The following ZNF334 variants were observed in gnomAD, a reference collection of about 807,000 sequenced individuals.
ZNF334 encodes the protein zinc finger protein 334.
Under a neutral mutation model 12.4 loss-of-function variants are expected in ZNF334, and 14 were observed. The ratio of observed to expected loss-of-function variants is 1.13; its 90% CI spans 0.74 to 1.76. ZNF334 has a LOEUF of 1.76. Among genes scored for constraint, ZNF334 ranks in the 40% most tolerant of loss-of-function variants. The pLI, the probability that ZNF334 is intolerant of heterozygous loss-of-function variation, is 0.00. For missense variants in ZNF334, 797 were observed against 804.5 expected (o/e 0.99, Z 0.11); for synonymous variants, 273 against 269.6 (o/e 1.01, Z -0.12).
the ZNF334 span, among the ~76,000 whole-genome samples, chr20:46,468,145 T>A: frequency 6.6e-6 from 1 of 152,168 alleles, no homozygotes; most frequent in South Asian, 2.1e-4. Flanking sequence ...CCTGGTGGTG[T>A]TGGACAGTAA....
chr20:46,503,793 A>C (rs2061334883), intron 4 of ZNF334, among the ~76,000 whole-genome samples: 1 of 152,214 alleles, frequency 6.6e-6, no homozygotes, highest in South Asian at 2.1e-4. Context: ...GAAGCGTAGA[A>C]TGGAAAGGGA....
In ZNF334 at chr20:46,504,652, T is replaced by A; in HGVS notation, c.110A>T (p.Asp37Val). The A allele has an allele frequency of 1.2e-6, 2 of 1,611,272 alleles. No homozygotes were observed. The highest frequency in any genetic ancestry group is 1.7e-6 in the Non-Finnish European group (2 of 1,179,048). Residue 37 changes from aspartate (D) to valine (V), a missense_variant, in exon 3 of 5, where the codon GAT becomes GTT. Coordinates refer to ENST00000692313, the MANE Select transcript of ZNF334 (RefSeq NM_001353824.2). ...GTTGCTGTAGTTCTCCAGCATCACATCCCTGTACAGGAGCCTCTGAGCAGG... is the reference window on the plus strand; with the variant it reads ...GTTGCTGTAGTTCTCCAGCATCACAACCCTGTACAGGAGCCTCTGAGCAGG... Reference protein sequence around the residue: ...LDPAQRLLYRDVMLENYSNLV... With the variant: ...LDPAQRLLYRVVMLENYSNLV...
In ZNF334 at chr20:46,501,537, T is replaced by C. The variant is rs2061166500; in HGVS notation, c.1802A>G (p.Glu601Gly). 1 of 1,614,026 alleles carries C rather than the reference T, an allele frequency of 6.2e-7. No individual in the cohort carries two copies. ...QRTHTGEKPY[E>G]CNECGKSFCH... Reference sequence around the variant, plus strand: ...GAAGGATTTCCCACATTCATTACATTCATATGGTTTCTCCCCAGTGTGAGT... The same window carrying C: ...GAAGGATTTCCCACATTCATTACATCCATATGGTTTCTCCCCAGTGTGAGT... The change falls in exon 5 of 5, where the codon GAA becomes GGA. Residue 601 changes from glutamate to glycine, a missense_variant. Coordinates refer to ENST00000692313, the MANE Select transcript of ZNF334 (RefSeq NM_001353824.2).
chr20:46,475,263 A>G, the ZNF334 span, among the ~76,000 whole-genome samples: 1 of 152,218 alleles, frequency 6.6e-6, no homozygotes, highest in Non-Finnish European at 1.5e-5. Context: ...ATCCATAGAC[A>G]TAAAAAACCA....
At chr20:46,480,352 C>T in the ZNF334 span, among the ~76,000 whole-genome samples, 1 of 152,080 alleles carries the variant, frequency 6.6e-6, no homozygotes, top group Admixed American at 6.6e-5. Flanking sequence ...CACTGGATTC[C>T]CCCATGTCAC....
At chr20:46,463,299 C>T in the ZNF334 span, among the ~76,000 whole-genome samples, 1 of 152,152 alleles carries the variant, frequency 6.6e-6, no homozygotes, top group African/African-American at 2.4e-5. Context: ...AATCTCAACA[C>T]ATTCACAACT....
the ZNF334 span, among the ~76,000 whole-genome samples, chr20:46,487,033 T>A: frequency 6.6e-6 from 1 of 152,158 alleles, no homozygotes; most frequent in Non-Finnish European, 1.5e-5. Flanking sequence ...ATTTTTTGGT[T>A]TAAAATGTAC....
In ZNF334 at chr20:46,509,598, T is replaced by C. The variant is rs937474136; in HGVS notation, c.21+2484A>G. The C allele has an allele frequency of 1.6e-5, 11 of 702,928 alleles. No homozygotes were observed. In the African/African-American group the frequency reaches 1.6e-4, roughly 10 times the overall value. 43.5% of individuals were successfully genotyped at this position (702,928 alleles called of 1,614,324 possible). A position where few individuals can be genotyped will look rare whatever the true frequency, so the allele number is the denominator to read the frequency against. On this transcript the variant is annotated intron_variant, in intron 2 of 4. Coordinates refer to ENST00000692313, the MANE Select transcript of ZNF334 (RefSeq NM_001353824.2). ...ATAGAGAAAGGATGGGGAATTCATC[T>C]GCCCACCTCCTTCTCATTTTCCATT...
chr20:46,502,009 T>C lies in ZNF334; in HGVS notation c.1330A>G (p.Thr444Ala). Residue 444 changes from threonine to alanine, a missense_variant, in exon 5 of 5, where the codon ACG becomes GCG. By Grantham distance (58) the Thr-to-Ala change is moderately conservative. Transcript: ENST00000692313. ...ECSQCGKFLC[T>A]KSALIAHQIT... ...TGATGTGCAATGAGGGCTGATTTCG[T>C]ACATAAAAATTTTCCACATTGACTG... 6.2e-7 allele frequency: 1 copy of C among 1,614,068 alleles called. No individual in the cohort carries two copies. The highest frequency in any genetic ancestry group is 8.5e-7 in the Non-Finnish European group (1 of 1,180,014).
chr20:46,463,064 T>A, the ZNF334 span, among the ~76,000 whole-genome samples: 1 of 152,206 alleles, frequency 6.6e-6, no homozygotes, highest in Non-Finnish European at 1.5e-5. Context: ...CTGGCCAACA[T>A]GGCGAAACCC....
At position 46,502,306 on chromosome 20, in the gene ZNF334, C is replaced by G. The variant is rs776309901; in HGVS notation, c.1033G>C (p.Gly345Arg). ...ALAEHFRSHT[G>R]EKPYECKECG... ...TCCTTGCATTCGTAAGGCTTCTCCC[C>G]TGTGTGTGACCTGAAATGTTCAGCC... The change falls in exon 5 of 5, where the codon GGG (glycine) becomes CGG (arginine). Residue 345 changes from glycine to arginine, a missense_variant. By Grantham distance (125) the Gly-to-Arg change is moderately radical. Coordinates refer to ENST00000692313, the MANE Select transcript of ZNF334 (RefSeq NM_001353824.2). The G allele has an allele frequency of 2.5e-6, 4 of 1,613,892 alleles. No individual in the cohort carries two copies. The highest frequency in any genetic ancestry group is 3.4e-6 in the Non-Finnish European group (4 of 1,179,856).
At chr20:46,481,917 A>G in the ZNF334 span, among the ~76,000 whole-genome samples, 10 of 152,036 alleles carry the variant, frequency 6.6e-5, no homozygotes, top group African/African-American at 1.9e-4. Flanking sequence ...TACATGGTAA[A>G]AGGGACTTTG....
chr20:46,504,938 T>C (rs979415523), intron 2 of ZNF334, 198 bp from the exon 3 acceptor site: 2 of 466,274 alleles, frequency 4.3e-6, no homozygotes, highest in Non-Finnish European at 7.5e-6. Context: ...GCTTATACCA[T>C]GTCCTGGAGC....
the ZNF334 span, among the ~76,000 whole-genome samples, chr20:46,487,387 C>T: frequency 6.6e-6 from 1 of 152,220 alleles, no homozygotes; most frequent in African/African-American, 2.4e-5. Flanking sequence ...CACAAGCCAT[C>T]AGTACTATAC....
chr20:46,504,931 T>G, intron 2 of ZNF334, 191 bp from the exon 3 acceptor site: 1 of 496,586 alleles, frequency 2.0e-6, no homozygotes, highest in Non-Finnish European at 3.5e-6. Flanking sequence ...GTGCTGAGCT[T>G]ATACCATGTC....
chr20:46,488,323 A>G, the ZNF334 span, among the ~76,000 whole-genome samples: 4 of 146,048 alleles, frequency 2.7e-5, no homozygotes. Context: ...TTGGGATTTG[A>G]GTTTATGGTA....
chr20:46,477,595 G>A, the ZNF334 span, among the ~76,000 whole-genome samples: 2 of 152,188 alleles, frequency 1.3e-5, no homozygotes, highest in African/African-American at 4.8e-5. Flanking sequence ...CCTCAGCCCT[G>A]TAAAGTGCTA....
At chr20:46,506,240 G>A in intron 2 of ZNF334, 1 of 470,382 alleles carries the variant, frequency 2.1e-6, no homozygotes, top group Non-Finnish European at 3.8e-6. Context: ...AAATAATGAG[G>A]AAGGTCTCCA....
chr20:46,489,063 C>G, the ZNF334 span, among the ~76,000 whole-genome samples: 1 of 152,002 alleles, frequency 6.6e-6, no homozygotes, highest in Non-Finnish European at 1.5e-5. Context: ...ATAGCTTTTA[C>G]TGTGTTTGAG....
Sources: gnomAD v4.1 joint callset for allele counts (sites outside exome capture counted in the v4.1 genomes callset) on GRCh38, gnomAD v4.1.1 for gene constraint, MANE v1.5 for transcripts, NCBI Gene and HGNC (gene_info 2026-07-23, HGNC 2026-07-21) for gene names.